Variants in CPM observed in about 807,000 individuals in gnomAD.
The protein encoded by CPM is carboxypeptidase M.
In CPM, 35 loss-of-function variants were observed where a neutral mutation model predicts 46.4. That is an observed-to-expected ratio of 0.75 (90% CI 0.58 to 1.00). The LOEUF is 1.00. CPM is among the 50% of genes least tolerant of loss of function. The pLI is 0.00. For missense variants in CPM, 422 were observed against 530.4 expected (o/e 0.80, Z 2.01); for synonymous variants, 195 against 195.3 (o/e 1.00, Z 0.01).
intron 3 of CPM, among the ~76,000 whole-genome samples, chr12:68,882,620 C>A (rs1388369303): frequency 6.6e-5 from 10 of 152,138 alleles, no homozygotes. Context: ...GTTTCAAGTT[C>A]TTTGAGAAAT....
rs147093263 is a variant in CPM at position 68,856,095 on chromosome 12, C to T, written c.*342G>A. ...TTCATCTTCATTGCTTATATTCATC[C>T]GGTTCTCTGTATACAAAATGATCTT... On this transcript the variant is annotated 3_prime_UTR_variant, in exon 9 of 9. Transcript: ENST00000551568. The T allele has an allele frequency of 8.1e-5, 20 of 248,314 alleles. No homozygotes were observed. The highest frequency in any genetic ancestry group is 1.8e-4 in the East Asian group (2 of 11,104). 15.4% of individuals were successfully genotyped at this position (248,314 alleles called of 1,614,324 possible). A position where few individuals can be genotyped will look rare whatever the true frequency, so the allele number is the denominator to read the frequency against.
intron 2 of CPM, among the ~76,000 whole-genome samples, chr12:68,903,122 A>G (rs567793156): frequency 7.7e-4 from 117 of 152,350 alleles, no homozygotes; most frequent in African/African-American, 2.7e-3. Context: ...AACAAAGTCA[A>G]TGTTACCTGC....
At chr12:68,921,713 T>C (rs1374674986) in intron 2 of CPM, among the ~76,000 whole-genome samples, 1 of 152,186 alleles carries the variant, frequency 6.6e-6, no homozygotes, top group Non-Finnish European at 1.5e-5. Flanking sequence ...TAAGTTATCA[T>C]ATTATTTACT....
chr12:68,912,852 T>C (rs1290546849), intron 2 of CPM, among the ~76,000 whole-genome samples: 2 of 152,240 alleles, frequency 1.3e-5, no homozygotes, highest in Non-Finnish European at 2.9e-5. Context: ...TCTGTTAATT[T>C]AGCAGATGTA....
chr12:68,906,570 G>C (rs1887358628), intron 2 of CPM, among the ~76,000 whole-genome samples: 1 of 151,946 alleles, frequency 6.6e-6, no homozygotes, highest in Admixed American at 6.6e-5. Flanking sequence ...GTTCACCGCA[G>C]CCTCTGCCTC....
At chr12:68,860,820 G>T (rs527757228) in intron 7 of CPM, among the ~76,000 whole-genome samples, 1 of 152,012 alleles carries the variant, frequency 6.6e-6, no homozygotes, top group South Asian at 2.1e-4. Flanking sequence ...TGGTTGTGAA[G>T]ATTAAATGTA....
intron 5 of CPM, chr12:68,842,490 C>G: frequency 5.2e-6 from 2 of 386,534 alleles, no homozygotes; most frequent in South Asian, 4.4e-5. Context: ...AAGGTCACTC[C>G]GATGAAAGGT....
chr12:68,962,321 T>A (rs954879410), intron 1 of CPM, among the ~76,000 whole-genome samples: 1 of 152,142 alleles, frequency 6.6e-6, no homozygotes, highest in African/African-American at 2.4e-5. Context: ...GTGTCACTGT[T>A]GGGACATGGA....
In CPM at chr12:68,852,693, G is replaced by T. The variant is rs1056811287; in HGVS notation, c.*3744C>A. On this transcript the variant is annotated 3_prime_UTR_variant, in exon 9 of 9. Transcript: ENST00000551568. ...CTGCCTCAGCCTCCCAAGTAGCTGG[G>T]ATTACAGGTGCCTGCCACCACGCCC... 1 of 152,202 alleles carries T rather than the reference G, an allele frequency of 6.6e-6. No individual in the cohort carries two copies. Among genetic ancestry groups the T allele is most frequent in the Non-Finnish European group, 1.5e-5 (1 of 68,234 alleles). 9.4% of individuals were successfully genotyped at this position (152,202 alleles called of 1,614,324 possible).
At chr12:68,955,512 G>A (rs1306586659) in intron 1 of CPM, among the ~76,000 whole-genome samples, 1 of 150,120 alleles carries the variant, frequency 6.7e-6, no homozygotes, top group Non-Finnish European at 1.5e-5. Flanking sequence ...GGTGGGGGGG[G>A]CATGTTTCAG....
At chr12:68,867,313 C>CT in intron 6 of CPM, among the ~76,000 whole-genome samples, 1 of 152,206 alleles carries the variant, frequency 6.6e-6, no homozygotes, top group African/African-American at 2.4e-5. Flanking sequence ...AGGAAGGGTC[C>CT]TTTTTTGTTT....
chr12:68,945,846 C>CTTTTTT (rs1170064808), intron 1 of CPM, among the ~76,000 whole-genome samples: 91 of 88,460 alleles, frequency 1.0e-3, no homozygotes, highest in African/African-American at 1.8e-3. Flanking sequence ...TTCTTTCTTT[C>CTTTTTT]TTTTTTTTTT....
intron 2 of CPM, among the ~76,000 whole-genome samples, chr12:68,916,618 C>T (rs1335174060): frequency 2.6e-5 from 4 of 152,044 alleles, no homozygotes; most frequent in South Asian, 2.1e-4. Flanking sequence ...GGGCTGGGCA[C>T]GGTGGTGCAT....
Position 68,866,760 on chromosome 12 carries a change from T to G in CPM, c.940+136A>C, listed in dbSNP as rs1885467832. ...GCAGATACTCATGCAGAGAGAATTCTTAACCATCAGATCTGGCACTGAAAT... is the reference window on the plus strand; with the variant it reads ...GCAGATACTCATGCAGAGAGAATTCGTAACCATCAGATCTGGCACTGAAAT... On this transcript the variant is annotated intron_variant, in intron 7 of 8. Coordinates refer to ENST00000551568, the MANE Select transcript of CPM (RefSeq NM_198320.5). 4.1e-6 allele frequency: 3 copies of G among 727,534 alleles called. No homozygotes were observed. The East Asian group carries it at 7.5e-5, about 18-fold the overall frequency. 45.1% of individuals were successfully genotyped at this position (727,534 alleles called of 1,614,324 possible).
chr12:68,856,746 A>T lies in CPM; in HGVS notation c.1090-67T>A, dbSNP rs1213966293. 3 of 1,559,098 alleles carry T rather than the reference A, an allele frequency of 1.9e-6. No homozygotes were observed. The African/African-American group carries it at 4.1e-5, about 21-fold the overall frequency. On this transcript the variant is annotated intron_variant, in intron 8 of 8. Coordinates refer to ENST00000551568, the MANE Select transcript of CPM (RefSeq NM_198320.5). ...GGTTCGTGGTGCCCACACTGAAAACACTGATATCCATCACTAAAATGCAGC... is the reference window on the plus strand; with the variant it reads ...GGTTCGTGGTGCCCACACTGAAAACTCTGATATCCATCACTAAAATGCAGC...
intron 1 of CPM, among the ~76,000 whole-genome samples, chr12:68,955,221 C>T (rs907370727): frequency 2.6e-5 from 4 of 152,246 alleles, no homozygotes; most frequent in African/African-American, 9.6e-5. Flanking sequence ...GGAAAAGTGA[C>T]ACCCCTAAGG....
At chr12:68,952,570 G>A (rs1888952887) in intron 1 of CPM, among the ~76,000 whole-genome samples, 1 of 152,198 alleles carries the variant, frequency 6.6e-6, no homozygotes, top group Non-Finnish European at 1.5e-5. Flanking sequence ...TGATCGGGCA[G>A]GCCCCACACC....
At chr12:68,909,226 C>T (rs917314738) in intron 2 of CPM, among the ~76,000 whole-genome samples, 10 of 152,096 alleles carry the variant, frequency 6.6e-5, no homozygotes, top group South Asian at 2.1e-4. Context: ...AAAAAATTTT[C>T]GTTAGAGATG....
intron 2 of CPM, 143 bp downstream of exon 2, chr12:68,932,534 AC>A: frequency 1.1e-6 from 1 of 910,760 alleles, no homozygotes; most frequent in Non-Finnish European, 1.6e-6. Context: ...GCAGAAAACA[AC>A]CAACACGCAC....
Sources: allele counts gnomAD v4.1 joint callset (sites outside exome capture counted in the v4.1 genomes callset), GRCh38; gene constraint gnomAD v4.1.1; transcripts MANE v1.5; gene names NCBI Gene and HGNC (gene_info 2026-07-23, HGNC 2026-07-21).